The following ALCAM variants were observed in gnomAD, a reference collection of about 807,000 sequenced individuals.
ALCAM encodes the protein activated leukocyte cell adhesion molecule, also known as CD166 antigen.
A neutral mutation model predicts 70.9 loss-of-function variants in ALCAM; 30 were observed. That is an observed-to-expected ratio of 0.42 (90% confidence interval 0.32 to 0.57). The LOEUF is 0.57. ALCAM is among the 20% of genes least tolerant of loss of function. The probability of loss-of-function intolerance (pLI) is 0.11; values close to 1 mark genes in which losing one functional copy is unlikely to be tolerated. For synonymous variants in ALCAM, 249 were observed against 242.5 expected (o/e 1.03, Z -0.25); for missense variants, 591 against 695.1 (o/e 0.85, Z 1.68).
chr3:105,458,872 G>T (rs1276776651), intron 1 of ALCAM, among the ~76,000 whole-genome samples: 2 of 151,942 alleles, frequency 1.3e-5, no homozygotes, highest in Non-Finnish European at 2.9e-5. Context: ...TACCCTATTT[G>T]GTCTCTCTGT....
chr3:105,373,167 C>T (rs1392523663), intron 1 of ALCAM, among the ~76,000 whole-genome samples: 1 of 151,974 alleles, frequency 6.6e-6, no homozygotes, highest in African/African-American at 2.4e-5. Flanking sequence ...GTTGACTCTC[C>T]AGTAGGATTT....
At chr3:105,524,266 T>C (rs764854205) in intron 2 of ALCAM, 23 bp from the exon 3 acceptor site, 4 of 1,569,194 alleles carry the variant, frequency 2.5e-6, no homozygotes, top group Non-Finnish European at 2.6e-6. Context: ...TGTGTTTAAA[T>C]GTATTATTAT....
At chr3:105,417,422 A>G (rs1156429459) in intron 1 of ALCAM, among the ~76,000 whole-genome samples, 3 of 151,594 alleles carry the variant, frequency 2.0e-5, no homozygotes, top group African/African-American at 7.3e-5. Flanking sequence ...TATATAACAT[A>G]GATGAAAAAT....
chr3:105,467,409 G>A (rs1227437165), intron 1 of ALCAM, among the ~76,000 whole-genome samples: 1 of 151,094 alleles, frequency 6.6e-6, no homozygotes, highest in Non-Finnish European at 1.5e-5. Context: ...AAATGTCTCT[G>A]CGTGGATTGC....
At chr3:105,513,103 C>T (rs1269460538) in intron 1 of ALCAM, among the ~76,000 whole-genome samples, 10 of 149,592 alleles carry the variant, frequency 6.7e-5, no homozygotes, top group South Asian at 4.3e-4. Flanking sequence ...CCCCTTCCCA[C>T]GCATACAGAG....
At chr3:105,570,121 C>A (rs1010807956) in intron 14 of ALCAM, among the ~76,000 whole-genome samples, 18 of 151,710 alleles carry the variant, frequency 1.2e-4, no homozygotes, top group African/African-American at 4.4e-4. Context: ...TTTAAAAGGA[C>A]AAGATATTCA....
rs1487068479 is a variant in ALCAM, at chr3:105,520,052, T to C, written c.74-15T>C. Reference sequence around the variant, plus strand: ...CTCTCTTTCTCTCTTCTTCCTTTTTTTTTTTCCCCCAAAGGCCTTGGATGG... The same window carrying C: ...CTCTCTTTCTCTCTTCTTCCTTTTTCTTTTTCCCCCAAAGGCCTTGGATGG... On this transcript the variant is annotated splice_polypyrimidine_tract_variant and intron_variant, in intron 1 of 15. Transcript: ENST00000306107. 7 of 1,533,272 alleles carry C rather than the reference T, an allele frequency of 4.6e-6. No individual in the cohort carries two copies. The highest frequency in any genetic ancestry group is 1.7e-4 in the Middle Eastern group (1 of 5,810). 95.0% of individuals were successfully genotyped at this position (1,533,272 alleles called of 1,614,324 possible).
intron 1 of ALCAM, among the ~76,000 whole-genome samples, chr3:105,487,193 A>G (rs1322529060): frequency 2.0e-5 from 3 of 152,070 alleles, no homozygotes; most frequent in African/African-American, 7.2e-5. Context: ...GTCTGTTGTC[A>G]TTTTGGATAA....
At chr3:105,463,505 CA>C (rs1346655091) in intron 1 of ALCAM, among the ~76,000 whole-genome samples, 4 of 151,432 alleles carry the variant, frequency 2.6e-5, no homozygotes, top group Non-Finnish European at 5.9e-5. Context: ...TTTCTTAAGG[CA>C]TTTTGGTGAA....
chr3:105,419,825 C>T (rs1171195612), intron 1 of ALCAM, among the ~76,000 whole-genome samples: 2 of 151,722 alleles, frequency 1.3e-5, no homozygotes, highest in Non-Finnish European at 2.9e-5. Flanking sequence ...ATAATAGTGA[C>T]ATACAAGTAA....
At chr3:105,427,216 AC>A (rs1398441019) in intron 1 of ALCAM, among the ~76,000 whole-genome samples, 1 of 151,960 alleles carries the variant, frequency 6.6e-6, no homozygotes, top group African/African-American at 2.4e-5. Context: ...AACTAGGAGA[AC>A]AGAATGAGAG....
At chr3:105,453,934 A>T (rs771658068) in intron 1 of ALCAM, among the ~76,000 whole-genome samples, 2 of 152,120 alleles carry the variant, frequency 1.3e-5, no homozygotes, top group Non-Finnish European at 2.9e-5. Context: ...ATCTTGAGAG[A>T]TACACAAACT....
chr3:105,375,985 G>C (rs1037973485), intron 1 of ALCAM, among the ~76,000 whole-genome samples: 1 of 152,062 alleles, frequency 6.6e-6, no homozygotes, highest in Non-Finnish European at 1.5e-5. Flanking sequence ...CCTTTTGAGA[G>C]GCTCAAGCAG....
intron 1 of ALCAM, among the ~76,000 whole-genome samples, chr3:105,374,771 G>A (rs963200497): frequency 6.6e-6 from 1 of 152,114 alleles, no homozygotes; most frequent in Non-Finnish European, 1.5e-5. Flanking sequence ...ACATGCCGCG[G>A]CCTCCCAAAG....
chr3:105,553,214 A>T (rs1940451100), intron 14 of ALCAM: 4 of 673,044 alleles, frequency 5.9e-6, no homozygotes, highest in Non-Finnish European at 5.5e-6. Context: ...GAACCTTACA[A>T]ATTATCTAAC....
Position 105,552,513 on chromosome 3 carries a change from G to A in ALCAM, c.1592G>A (p.Gly531Glu), listed in dbSNP as rs1940433961. ...AATGACCAGGCAAAACTAATTGTGGGAATCGTTGTTGGTCTCCTCCTTGCT... is the reference window on the plus strand; with the variant it reads ...AATGACCAGGCAAAACTAATTGTGGAAATCGTTGTTGGTCTCCTCCTTGCT... ...KVNDQAKLIV[G>E]IVVGLLLAAL... Residue 531 changes from glycine (G) to glutamate (E), a missense_variant, in exon 14 of 16, where the codon GGA (glycine) becomes GAA (glutamate). Around this residue, in one of 2 missense-constraint regions of ALCAM, gnomAD observed 164 missense variants for 244.7 expected, o/e 0.67. Transcript: ENST00000306107. The A allele has an allele frequency of 1.2e-6, 2 of 1,611,626 alleles. No homozygotes were observed. Among genetic ancestry groups the A allele is most frequent in the Non-Finnish European group, 8.5e-7 (1 of 1,178,406 alleles).
chr3:105,499,804 T>C (rs1938868520), intron 1 of ALCAM, among the ~76,000 whole-genome samples: 1 of 152,194 alleles, frequency 6.6e-6, no homozygotes, highest in African/African-American at 2.4e-5. Context: ...AACAGACAGC[T>C]TACCCAAAAC....
At chr3:105,568,308 C>G (rs1940790313) in intron 14 of ALCAM, among the ~76,000 whole-genome samples, 1 of 152,028 alleles carries the variant, frequency 6.6e-6, no homozygotes, top group African/African-American at 2.4e-5. Context: ...CCAGGCTGGT[C>G]TCGAACTCCT....
intron 1 of ALCAM, among the ~76,000 whole-genome samples, chr3:105,494,148 G>T (rs1489025776): frequency 2.0e-5 from 3 of 152,134 alleles, no homozygotes; most frequent in Non-Finnish European, 4.4e-5. Context: ...AAGGGTCAAT[G>T]AGGAAATCTC....
Sources: gnomAD v4.1 joint callset for allele counts (sites outside exome capture counted in the v4.1 genomes callset) on GRCh38, gnomAD v4.1.1 for gene constraint, gnomAD v4.1.1 regional missense constraint, MANE v1.5 for transcripts, NCBI Gene and HGNC (gene_info 2026-07-23, HGNC 2026-07-21) for gene names.